Variants in AGBL3 observed in about 807,000 individuals in gnomAD.
AGBL3 encodes the protein cytosolic carboxypeptidase 3.
In AGBL3, 68 loss-of-function variants were observed where a neutral mutation model predicts 94.5. That is an observed-to-expected ratio of 0.72 (90% CI 0.59 to 0.88). The LOEUF (loss-of-function observed/expected upper bound fraction) is 0.88. Among genes scored for constraint, AGBL3 ranks in the 40% least tolerant of loss-of-function variants. The probability of loss-of-function intolerance (pLI) is 0.00; values close to 1 mark genes in which losing one functional copy is unlikely to be tolerated. For missense variants in AGBL3, 934 were observed against 1,103.8 expected, an observed-to-expected ratio of 0.85 and a Z score of 2.18; for synonymous variants, 354 against 370.7, an observed-to-expected ratio of 0.95 and a Z score of 0.52.
intron 8 of AGBL3, among the ~76,000 whole-genome samples, chr7:135,038,863 G>A (rs1816559428): frequency 6.6e-6 from 1 of 152,074 alleles, no homozygotes; most frequent in Admixed American, 6.5e-5. Context: ...GGAGGCTGAG[G>A]CAGGAGAATG....
chr7:135,101,146 G>T (rs915505445), intron 15 of AGBL3: 1 of 455,594 alleles, frequency 2.2e-6, no homozygotes, highest in Non-Finnish European at 4.4e-6. Context: ...TCAGTGAGAG[G>T]CCAATCTAGG....
In AGBL3 at chr7:135,135,104, A is replaced by G. The variant is rs1829281999; in HGVS notation, c.2606A>G (p.Asp869Gly). The change falls in exon 17 of 17, where the codon GAT becomes GGT. Residue 869 changes from aspartate (D) to glycine (G), a missense_variant. Physicochemically the swap from Asp to Gly is moderately conservative, Grantham distance 94. This residue lies in a region of AGBL3 where 441 missense variants were observed against 518.2 expected (regional missense o/e 0.85). Coordinates refer to ENST00000436302, the MANE Select transcript of AGBL3 (RefSeq NM_178563.4). ...ACTGCTTCTTCAAGCTTTGGAATGG[A>G]TGCAAATGTTCTAAAATATAAGAGT... ...WETASSSFGM[D>G]ANVLKYKSLQ... 3.2e-6 allele frequency: 5 copies of G among 1,551,178 alleles called. No individual in the cohort carries two copies. Among genetic ancestry groups the G allele is most frequent in the Non-Finnish European group, 3.5e-6 (4 of 1,146,654 alleles).
intron 4 of AGBL3, among the ~76,000 whole-genome samples, chr7:135,016,230 CAATT>C (rs1813789828): frequency 6.6e-6 from 1 of 151,910 alleles, no homozygotes; most frequent in Non-Finnish European, 1.5e-5. Context: ...TCTTTATTAT[CAATT>C]TATTTGGTCA....
intron 16 of AGBL3, among the ~76,000 whole-genome samples, chr7:135,127,690 G>A (rs1342505303): frequency 6.6e-6 from 1 of 152,174 alleles, no homozygotes; most frequent in Non-Finnish European, 1.5e-5. Context: ...GGCTGGGTAG[G>A]CTGCAGAGAA....
rs193002204 is a variant in AGBL3 at position 135,053,538 on chromosome 7, C to T, written c.1842-5631C>T. Among the ~76,000 whole-genome samples, 401 of 152,152 alleles carry T rather than the reference C, an allele frequency of 2.6e-3. 4 individuals are homozygous for T. The highest frequency in any genetic ancestry group is 9.3e-3 in the African/African-American group (386 of 41,534). ...AGGAGAATCATTTGAACCCGGGAGGCGGAGGTTGCAGTGAGCTGAGATCGT... is the reference window on the plus strand; with the variant it reads ...AGGAGAATCATTTGAACCCGGGAGGTGGAGGTTGCAGTGAGCTGAGATCGT... On this transcript the variant is annotated intron_variant, in intron 11 of 16. Transcript: ENST00000436302.
At chr7:135,003,627 T>C (rs1489259951) in intron 4 of AGBL3, among the ~76,000 whole-genome samples, 1 of 151,758 alleles carries the variant, frequency 6.6e-6, no homozygotes, top group Non-Finnish European at 1.5e-5. Flanking sequence ...TTTATCCTAG[T>C]TTTCCTTTAT....
Position 135,115,623 on chromosome 7 carries a change from C to T in AGBL3, c.2342+12C>T, listed in dbSNP as rs1410147474. The T allele has an allele frequency of 6.6e-7, 1 of 1,509,938 alleles. No individual in the cohort carries two copies. The highest frequency in any genetic ancestry group is 1.2e-5 in the South Asian group (1 of 82,074). The allele number at this position is 1,509,938 out of a possible 1,614,324, so 93.5% of individuals were successfully genotyped here. ...CAAATCCAACATCAGTAAGTCAATA[C>T]AATTTTATCACTCTTATCTATTTAA... On this transcript the variant is annotated intron_variant, in intron 16 of 16. Coordinates refer to ENST00000436302, the MANE Select transcript of AGBL3 (RefSeq NM_178563.4).
chr7:135,042,727 T>C (rs757567516), intron 8 of AGBL3, among the ~76,000 whole-genome samples: 6 of 152,026 alleles, frequency 3.9e-5, no homozygotes, highest in Non-Finnish European at 7.4e-5. Context: ...CTGAGCAACA[T>C]AGCAAGACCC....
chr7:134,991,622 C>T (rs1810297248), intron 3 of AGBL3, among the ~76,000 whole-genome samples: 1 of 152,096 alleles, frequency 6.6e-6, no homozygotes, highest in Non-Finnish European at 1.5e-5. Flanking sequence ...GCCTTGATCT[C>T]AGAGGCTGTC....
intron 16 of AGBL3, among the ~76,000 whole-genome samples, chr7:135,130,602 ATTAAT>A (rs994875796): frequency 2.4e-4 from 36 of 151,890 alleles, no homozygotes; most frequent in Admixed American, 5.9e-4. Flanking sequence ...TTAATAATAT[ATTAAT>A]TTAATATAAT....
chr7:135,038,007 C>T lies in AGBL3; in HGVS notation c.1500+427C>T, dbSNP rs552638491. ...AATTTTGCCAGGAAAAAACTTAATC[C>T]AATAACCAATATTTTTAAAATATAT... On this transcript the variant is annotated intron_variant, in intron 8 of 16. Transcript: ENST00000436302. 4.0e-4 allele frequency among the ~76,000 whole-genome samples: 60 copies of T among 151,740 alleles called. 3 individuals carry two copies. The South Asian group carries it at 9.4e-3, about 24-fold the overall frequency.
intron 15 of AGBL3, among the ~76,000 whole-genome samples, chr7:135,095,730 C>T (rs1822568355): frequency 1.3e-5 from 2 of 152,104 alleles, no homozygotes; most frequent in Admixed American, 6.5e-5. Flanking sequence ...TTTTTTTCCC[C>T]TTGACTGCTG....
chr7:135,043,880 ACAGGT>A (rs1817107512), intron 8 of AGBL3, 140 bp from the exon 9 acceptor site: 1 of 955,210 alleles, frequency 1.0e-6, no homozygotes, highest in Non-Finnish European at 1.4e-6. Context: ...AGATATTTCC[ACAGGT>A]CAGGAAATAA....
intron 16 of AGBL3, among the ~76,000 whole-genome samples, chr7:135,120,061 GT>G (rs1826925422): frequency 6.6e-6 from 1 of 152,028 alleles, no homozygotes; most frequent in Admixed American, 6.6e-5. Flanking sequence ...GTCAAGAAAG[GT>G]TCAGATAAAA....
intron 6 of AGBL3, 47 bp downstream of exon 6, chr7:135,033,029 A>C (rs989771487): frequency 7.5e-6 from 11 of 1,467,346 alleles, no homozygotes; most frequent in Non-Finnish European, 9.1e-6. Context: ...ATCAACTATT[A>C]TTTTCTGTAT....
intron 12 of AGBL3, 114 bp downstream of exon 12, chr7:135,059,349 AT>A: frequency 1.8e-6 from 1 of 559,272 alleles, no homozygotes; most frequent in Non-Finnish European, 3.0e-6. Context: ...ATCATCATTT[AT>A]TTTCTAACTA....
At chr7:135,134,695 C>A in intron 16 of AGBL3, 146 bp from the exon 17 acceptor site, 1 of 748,066 alleles carries the variant, frequency 1.3e-6, no homozygotes. Flanking sequence ...GAGATGAAGA[C>A]TTCTAAATGA....
chr7:134,997,175 T>C (rs1362224528), intron 4 of AGBL3, among the ~76,000 whole-genome samples: 1 of 152,196 alleles, frequency 6.6e-6, no homozygotes, highest in African/African-American at 2.4e-5. Flanking sequence ...ATCCCTTGCA[T>C]GCACAGTTCA....
chr7:134,989,826 CT>C (rs560118999), intron 3 of AGBL3, among the ~76,000 whole-genome samples: 10,353 of 147,258 alleles, frequency 0.07, 1,129 homozygotes, highest in African/African-American at 0.24. Context: ...AGGCCTTTAT[CT>C]TTTTTTTTTT....
Sources: gnomAD v4.1 joint callset for allele counts (sites outside exome capture counted in the v4.1 genomes callset) on GRCh38, gnomAD v4.1.1 for gene constraint, gnomAD v4.1.1 regional missense constraint, MANE v1.5 for transcripts, NCBI Gene and HGNC (gene_info 2026-07-23, HGNC 2026-07-21) for gene names.